Variants in ORMDL1 observed in about 807,000 individuals in gnomAD.
ORMDL1 encodes ORM1-like protein 1.
ORMDL1 carries 10 observed loss-of-function variants against 13.0 expected under a neutral mutation model. The ratio of observed to expected loss-of-function variants is 0.77; its 90% confidence interval spans 0.47 to 1.30. The LOEUF (loss-of-function observed/expected upper bound fraction) is 1.30, where lower values mean the gene tolerates loss of function less well. Ranked by LOEUF, ORMDL1 falls within the 50% of genes most tolerant of loss-of-function variation. The pLI is 0.00. For synonymous variants in ORMDL1, 61 were observed against 63.9 expected, an observed-to-expected ratio of 0.95 and a Z score of 0.22; for missense variants, 171 against 186.7, an observed-to-expected ratio of 0.92 and a Z score of 0.49.
intron 2 of ORMDL1, 89 bp from the exon 3 acceptor site, chr2:189,782,691 G>T: frequency 2.4e-6 from 3 of 1,251,788 alleles, no homozygotes; most frequent in Non-Finnish European, 3.4e-6. Context: ...TGTGTTGCGA[G>T]GATTATTTTT....
the ORMDL1 span, chr2:189,764,469 G>A: frequency 6.6e-6 from 1 of 152,162 alleles, no homozygotes; most frequent in Admixed American, 6.5e-5. Context: ...GAACTCTAGG[G>A]CACATTAGTA....
chr2:189,770,642 G>A lies in ORMDL1; in HGVS notation c.*1125C>T, dbSNP rs769385761. On this transcript the variant is annotated 3_prime_UTR_variant, in exon 5 of 5. Transcript: ENST00000392349. ...TATATAGTTATTTCTTGCAATTAAT[G>A]TCAGCAACTATAAGAAGCTTTCCTA... The A allele has an allele frequency of 3.3e-5, 5 of 152,006 alleles. No homozygotes were observed. Among genetic ancestry groups the A allele is most frequent in the African/African-American group, 4.8e-5 (2 of 41,360 alleles). The allele number at this position is 152,006 out of a possible 1,614,324, so 9.4% of individuals were successfully genotyped here. A position where few individuals can be genotyped will look rare whatever the true frequency, so the allele number is the denominator to read the frequency against.
At chr2:189,764,829 A>G in the ORMDL1 span, 4 of 151,884 alleles carry the variant, frequency 2.6e-5, no homozygotes, top group Non-Finnish European at 4.4e-5. Context: ...ATTAAAACAT[A>G]TAAGAATCTT....
chr2:189,784,014 G>T (rs1311062226), intron 1 of ORMDL1: 1 of 152,390 alleles, frequency 6.6e-6, no homozygotes, highest in Non-Finnish European at 1.5e-5. Flanking sequence ...AAAAGCCGCC[G>T]CTGCTACCAC....
chr2:189,775,369 A>G, intron 4 of ORMDL1, 196 bp downstream of exon 4: 1 of 568,408 alleles, frequency 1.8e-6, no homozygotes, highest in Non-Finnish European at 3.1e-6. Context: ...TTGTCTCCGT[A>G]TATGTACTGA....
intron 3 of ORMDL1, among the ~76,000 whole-genome samples, chr2:189,779,741 A>G (rs2047781520): frequency 6.6e-6 from 1 of 152,186 alleles, no homozygotes; most frequent in Non-Finnish European, 1.5e-5. Flanking sequence ...AGACTATTTG[A>G]TTTATCTGAG....
intron 3 of ORMDL1, among the ~76,000 whole-genome samples, chr2:189,782,062 C>T (rs2047852988): frequency 6.6e-6 from 1 of 152,046 alleles, no homozygotes; most frequent in African/African-American, 2.4e-5. Context: ...CCTGCCTCAG[C>T]CTCCCGAGTA....
At chr2:189,783,991 G>C (rs552278653) in intron 1 of ORMDL1, 1 of 152,490 alleles carries the variant, frequency 6.6e-6, no homozygotes, top group African/African-American at 2.4e-5. Context: ...CTCTGGGCCA[G>C]AGAAAACTCA....
intron 3 of ORMDL1, chr2:189,778,303 G>A (rs2047744167): frequency 6.9e-6 from 3 of 432,274 alleles, no homozygotes; most frequent in Non-Finnish European, 1.4e-5. Flanking sequence ...GCTGAGGCAG[G>A]AGAATCGCTT....
chr2:189,783,452 C>T (rs1378854056), intron 1 of ORMDL1: 1 of 152,184 alleles, frequency 6.6e-6, no homozygotes, highest in Non-Finnish European at 1.5e-5. Flanking sequence ...TTTGGAACAG[C>T]TGTGATTTTA....
chr2:189,770,932 A>G lies in ORMDL1; in HGVS notation c.*835T>C, dbSNP rs1431446798. On this transcript the variant is annotated 3_prime_UTR_variant, in exon 5 of 5. Coordinates refer to ENST00000392349, the MANE Select transcript of ORMDL1 (RefSeq NM_016467.5). ...ATATTTCCTTTTTCAAATGATGACA[A>G]ACTTTCCCAATTAAATTGTTCAACC... 1 of 152,232 alleles carries G rather than the reference A, an allele frequency of 6.6e-6. No homozygotes were observed. The highest frequency in any genetic ancestry group is 1.5e-5 in the Non-Finnish European group (1 of 68,034). 9.4% of individuals were successfully genotyped at this position (152,232 alleles called of 1,614,324 possible).
chr2:189,772,453 T>G (rs1395729234), intron 4 of ORMDL1, among the ~76,000 whole-genome samples: 1 of 152,250 alleles, frequency 6.6e-6, no homozygotes, highest in Non-Finnish European at 1.5e-5. Context: ...ACCGGTAACC[T>G]GAAAGACACT....
Position 189,782,607 on chromosome 2 carries a change from A to G in ORMDL1, c.-7-5T>C, listed in dbSNP as rs188877615. ...ACTCCAACGTTCATGTTTGCTCTGT[A>G]GGAAGTAATGAAATGAATCAACACT... On this transcript the variant is annotated splice_region_variant and splice_polypyrimidine_tract_variant and intron_variant, in intron 2 of 4. Transcript: ENST00000392349. 6.2e-7 allele frequency: 1 copy of G among 1,611,470 alleles called. No individual in the cohort carries two copies. The highest frequency in any genetic ancestry group is 8.5e-7 in the Non-Finnish European group (1 of 1,178,004).
chr2:189,780,070 A>G (rs1409191896), intron 3 of ORMDL1, among the ~76,000 whole-genome samples: 2 of 152,244 alleles, frequency 1.3e-5, no homozygotes, highest in Non-Finnish European at 2.9e-5. Context: ...ATATCGGCAT[A>G]TACATAATGA....
chr2:189,764,356 A>G, the ORMDL1 span: 2 of 152,176 alleles, frequency 1.3e-5, no homozygotes, highest in Non-Finnish European at 2.9e-5. Context: ...CTGTGCTGTC[A>G]AGACAAGCAA....
chr2:189,769,390 A>AT (rs1442031586), downstream of ORMDL1, among the ~76,000 whole-genome samples: 3 of 19,832 alleles, frequency 1.5e-4, no homozygotes, highest in Admixed American at 8.5e-4. Context: ...GGCTCCAGCC[A>AT]TCTCAAAAAA....
downstream of ORMDL1, among the ~76,000 whole-genome samples, chr2:189,766,719 C>G (rs897313954): frequency 1.7e-5 from 1 of 58,216 alleles, no homozygotes; most frequent in East Asian, 5.1e-4. Flanking sequence ...AGGAGACTCC[C>G]GTCTCAAAAA....
At chr2:189,782,338 A>G in intron 3 of ORMDL1, 84 bp downstream of exon 3, 4 of 1,281,758 alleles carry the variant, frequency 3.1e-6, no homozygotes, top group Non-Finnish European at 4.3e-6. Context: ...TTAAGCAATA[A>G]CTTTCCATTC....
downstream of ORMDL1, among the ~76,000 whole-genome samples, chr2:189,767,379 G>A (rs781514001): frequency 1.8e-4 from 27 of 152,120 alleles, no homozygotes; most frequent in Admixed American, 1.4e-3. Flanking sequence ...ATCTGGCTTC[G>A]CTGTTCCCCC....
Sources: gnomAD v4.1 joint callset for allele counts (sites outside exome capture counted in the v4.1 genomes callset) on GRCh38, gnomAD v4.1.1 for gene constraint, MANE v1.5 for transcripts, NCBI Gene and HGNC (gene_info 2026-07-23, HGNC 2026-07-21) for gene names.